Variants in TTC33 observed in about 807,000 individuals in gnomAD.
The protein encoded by TTC33 is tetratricopeptide repeat domain 33.
Under a neutral mutation model 29.4 loss-of-function variants are expected in TTC33, and 24 were observed. That is an observed-to-expected ratio of 0.82 (90% CI 0.59 to 1.15). The LOEUF (loss-of-function observed/expected upper bound fraction) is 1.15, where lower values mean the gene tolerates loss of function less well. Ranked by LOEUF, TTC33 falls within the 50% of genes most tolerant of loss-of-function variation. The pLI, the probability that TTC33 is intolerant of heterozygous loss-of-function variation, is 0.00. For missense variants in TTC33, 286 were observed against 310.4 expected (o/e 0.92, Z 0.59); for synonymous variants, 107 against 100.3 (o/e 1.07, Z -0.40).
At chr5:40,738,094 G>C (rs1377752913) in intron 2 of TTC33, among the ~76,000 whole-genome samples, 1 of 152,088 alleles carries the variant, frequency 6.6e-6, no homozygotes, top group East Asian at 1.9e-4. Flanking sequence ...CTGTGAGATT[G>C]TACAATAAAG....
chr5:40,716,105 A>G lies in TTC33; in HGVS notation c.*40T>C. The stretch of plus-strand genomic sequence containing the variant: ...TCTCTATGTCAAAACTTCAAGAGGC[A>G]ATCAAAAAGACAGATTCAAATAATC... On this transcript the variant is annotated 3_prime_UTR_variant, in exon 5 of 5. Coordinates refer to ENST00000337702, the MANE Select transcript of TTC33 (RefSeq NM_012382.3). 6.7e-7 allele frequency: 1 copy of G among 1,488,664 alleles called. No homozygotes were observed. Among genetic ancestry groups the G allele is most frequent in the African/African-American group, 1.4e-5 (1 of 71,600 alleles). 92.2% of individuals were successfully genotyped at this position (1,488,664 alleles called of 1,614,324 possible).
chr5:40,724,166 C>T (rs192533361), intron 4 of TTC33, among the ~76,000 whole-genome samples: 56 of 152,264 alleles, frequency 3.7e-4, no homozygotes, highest in Middle Eastern at 3.4e-3. Context: ...AAATGGTATA[C>T]ACACAAAATG....
chr5:40,753,093 G>A (rs990819856), intron 1 of TTC33, among the ~76,000 whole-genome samples: 3 of 152,076 alleles, frequency 2.0e-5, no homozygotes, highest in Admixed American at 6.6e-5. Flanking sequence ...GGCTGGGCGC[G>A]GTGGCTCACA....
At chr5:40,718,753 T>C (rs930766562) in intron 4 of TTC33, among the ~76,000 whole-genome samples, 5 of 149,786 alleles carry the variant, frequency 3.3e-5, no homozygotes, top group Non-Finnish European at 7.4e-5. Flanking sequence ...AAAAAAAAAT[T>C]AGCTGGGTGT....
rs561260368 is a variant in TTC33, at chr5:40,729,950, C to A, written c.303+312G>T. ...CTGACCTCAAGTGATCCACCCACCTCGGCCTCCCAAATTGCTGGGATTACA... is the reference window on the plus strand; with the variant it reads ...CTGACCTCAAGTGATCCACCCACCTAGGCCTCCCAAATTGCTGGGATTACA... On this transcript the variant is annotated intron_variant, in intron 3 of 4. Transcript: ENST00000337702. 3.4e-4 allele frequency among the ~76,000 whole-genome samples: 52 copies of A among 152,312 alleles called. No individual in the cohort carries two copies. The South Asian group carries it at 0.011, about 31-fold the overall frequency.
At chr5:40,745,927 G>A (rs1742780578) in intron 2 of TTC33, among the ~76,000 whole-genome samples, 1 of 151,896 alleles carries the variant, frequency 6.6e-6, no homozygotes, top group Non-Finnish European at 1.5e-5. Flanking sequence ...ATACAGATTT[G>A]AAATTTTTTC....
At chr5:40,742,238 G>C (rs1184839375) in intron 2 of TTC33, among the ~76,000 whole-genome samples, 1 of 152,000 alleles carries the variant, frequency 6.6e-6, no homozygotes, top group Non-Finnish European at 1.5e-5. Flanking sequence ...TTGGATTTCA[G>C]CCTTATAAGA....
intron 1 of TTC33, among the ~76,000 whole-genome samples, chr5:40,754,452 TAAAAGG>T (rs1742949399): frequency 6.6e-6 from 1 of 151,886 alleles, no homozygotes; most frequent in Non-Finnish European, 1.5e-5. Context: ...CTGCTCAAAG[TAAAAGG>T]AAAATAACAG....
intron 3 of TTC33, among the ~76,000 whole-genome samples, chr5:40,729,739 C>T (rs986427706): frequency 2.6e-5 from 4 of 152,148 alleles, no homozygotes; most frequent in Admixed American, 1.3e-4. Context: ...CGCTGTGTCA[C>T]CCAGGCTGGA....
At chr5:40,721,323 A>C (rs1267243325) in intron 4 of TTC33, among the ~76,000 whole-genome samples, 5 of 152,194 alleles carry the variant, frequency 3.3e-5, no homozygotes, top group Non-Finnish European at 7.3e-5. Flanking sequence ...TAAGAACAAA[A>C]CTAGGGGCAT....
intron 4 of TTC33, among the ~76,000 whole-genome samples, chr5:40,727,307 C>G (rs1742309915): frequency 6.6e-6 from 1 of 152,040 alleles, no homozygotes; most frequent in South Asian, 2.1e-4. Context: ...TACTTAATAA[C>G]AAGGAGGAAA....
chr5:40,726,077 G>A (rs181926118), intron 4 of TTC33, among the ~76,000 whole-genome samples: 17 of 151,528 alleles, frequency 1.1e-4, no homozygotes, highest in Middle Eastern at 3.4e-3. Flanking sequence ...GAGCCACCGC[G>A]CCTGGCTTCA....
intron 2 of TTC33, among the ~76,000 whole-genome samples, chr5:40,738,509 A>AATACAATAC (rs1742611637): frequency 8.2e-6 from 1 of 121,680 alleles, no homozygotes. Flanking sequence ...CAATACAATA[A>AATACAATAC]AATACAATAA....
At position 40,741,388 on chromosome 5, in the gene TTC33, C is replaced by G. The variant is rs537956143; in HGVS notation, c.221+5410G>C. On this transcript the variant is annotated intron_variant, in intron 2 of 4. Coordinates refer to ENST00000337702, the MANE Select transcript of TTC33 (RefSeq NM_012382.3). The stretch of plus-strand genomic sequence containing the variant: ...TTCTGAATGGCTGAAGCTTGAATAG[C>G]TCTCCGCTCTGTATGAACGCTACGA... Among the ~76,000 whole-genome samples the G allele has an allele frequency of 2.6e-5, 4 of 152,314 alleles. No individual in the cohort carries two copies. In the South Asian group the frequency reaches 8.3e-4, roughly 32 times the overall value.
intron 2 of TTC33, among the ~76,000 whole-genome samples, chr5:40,742,581 G>A (rs973479816): frequency 1.3e-5 from 2 of 152,104 alleles, no homozygotes; most frequent in African/African-American, 4.8e-5. Context: ...AAAATCTGTT[G>A]TTATTTTCCT....
chr5:40,717,897 C>T (rs766279730), intron 4 of TTC33, among the ~76,000 whole-genome samples: 2 of 151,964 alleles, frequency 1.3e-5, no homozygotes, highest in Non-Finnish European at 2.9e-5. Flanking sequence ...CCCGTCTCTA[C>T]TAAAAATACA....
At chr5:40,754,213 GC>G (rs1345220937) in intron 1 of TTC33, among the ~76,000 whole-genome samples, 1 of 152,178 alleles carries the variant, frequency 6.6e-6, no homozygotes. Flanking sequence ...GAGATCAGGG[GC>G]TGCAGAGGTC....
At chr5:40,733,520 T>A (rs1258691787) in intron 2 of TTC33, among the ~76,000 whole-genome samples, 1 of 152,202 alleles carries the variant, frequency 6.6e-6, no homozygotes, top group African/African-American at 2.4e-5. Context: ...TGTTAAAAGC[T>A]TATCATATTT....
At chr5:40,724,006 G>C (rs1198317955) in intron 4 of TTC33, among the ~76,000 whole-genome samples, 1 of 152,176 alleles carries the variant, frequency 6.6e-6, no homozygotes, top group East Asian at 1.9e-4. Flanking sequence ...GAACTACCAT[G>C]TAATAAAGCT....
Sources: allele counts gnomAD v4.1 joint callset (sites outside exome capture counted in the v4.1 genomes callset), GRCh38; gene constraint gnomAD v4.1.1; transcripts MANE v1.5; gene names NCBI Gene and HGNC (gene_info 2026-07-23, HGNC 2026-07-21).